MAPK10: variants seen among roughly 807,000 people sequenced by gnomAD.
MAPK10 encodes mitogen-activated protein kinase 10.
Under a neutral mutation model 59.3 loss-of-function variants are expected in MAPK10, and 25 were observed. The observed-to-expected ratio is 0.42, with a 90% confidence interval of 0.31 to 0.59. MAPK10 has a LOEUF of 0.59. Among genes scored for constraint, MAPK10 ranks in the 20% least tolerant of loss-of-function variants. MAPK10 has a pLI of 0.15. For missense variants in MAPK10, 351 were observed against 568.9 expected (o/e 0.62, Z 3.90); for synonymous variants, 190 against 200.5 (o/e 0.95, Z 0.44).
intron 1 of MAPK10, among the ~76,000 whole-genome samples, chr4:86,430,968 T>A (rs956462989): frequency 6.6e-6 from 1 of 151,462 alleles, no homozygotes; most frequent in African/African-American, 2.4e-5. Flanking sequence ...GGGAAAAAAC[T>A]GACAGAAACA....
intron 2 of MAPK10, among the ~76,000 whole-genome samples, chr4:86,226,320 C>T (rs2090605603): frequency 6.6e-6 from 1 of 152,168 alleles, no homozygotes; most frequent in African/African-American, 2.4e-5. Context: ...CCAGACTTTA[C>T]CCGGTTTCAA....
chr4:86,566,869 G>C (rs2149106638), intron 1 of MAPK10, among the ~76,000 whole-genome samples: 1 of 152,136 alleles, frequency 6.6e-6, no homozygotes, highest in Middle Eastern at 3.4e-3. Context: ...CTAAGTTCAA[G>C]ATCGGTCTAG....
chr4:86,582,748 A>G (rs1357144916), intron 1 of MAPK10, among the ~76,000 whole-genome samples: 1 of 152,236 alleles, frequency 6.6e-6, no homozygotes, highest in African/African-American at 2.4e-5. Flanking sequence ...TTGATAGGAC[A>G]CTTTCTATAG....
At chr4:86,289,655 T>C (rs962752447) in intron 2 of MAPK10, among the ~76,000 whole-genome samples, 1 of 150,116 alleles carries the variant, frequency 6.7e-6, no homozygotes, top group Non-Finnish European at 1.5e-5. Context: ...ATATGTATGT[T>C]ATAATGCATT....
chr4:86,428,504 C>G (rs1026676748), intron 1 of MAPK10, among the ~76,000 whole-genome samples: 2 of 151,966 alleles, frequency 1.3e-5, no homozygotes, highest in Admixed American at 1.3e-4. Context: ...AGGGGACTTT[C>G]CTGTTATGCT....
intron 3 of MAPK10, among the ~76,000 whole-genome samples, chr4:86,161,695 CT>C (rs1236625410): frequency 6.6e-6 from 1 of 152,062 alleles, no homozygotes; most frequent in Non-Finnish European, 1.5e-5. Context: ...ACACACTAGC[CT>C]CACCAAACCA....
chr4:86,120,948 C>T (rs73837411), intron 4 of MAPK10, among the ~76,000 whole-genome samples: 2,179 of 152,034 alleles, frequency 0.014, 53 homozygotes, highest in African/African-American at 0.05. Flanking sequence ...AAAACCCTTC[C>T]GACAGAAATA....
chr4:86,271,811 T>A (rs1385208745), intron 2 of MAPK10, among the ~76,000 whole-genome samples: 1 of 152,034 alleles, frequency 6.6e-6, no homozygotes, highest in African/African-American at 2.4e-5. Flanking sequence ...TCACTCACTA[T>A]CATAGGAACA....
At chr4:86,191,113 TTTG>T (rs1321681974) in intron 3 of MAPK10, among the ~76,000 whole-genome samples, 1 of 152,190 alleles carries the variant, frequency 6.6e-6, no homozygotes, top group Non-Finnish European at 1.5e-5. Flanking sequence ...TGAAAGACTG[TTTG>T]TTATGATTTC....
At chr4:86,083,556 A>C (rs1396963688) in intron 9 of MAPK10, among the ~76,000 whole-genome samples, 1 of 152,154 alleles carries the variant, frequency 6.6e-6, no homozygotes. Flanking sequence ...CACAAGCCTT[A>C]CCACTGCAGG....
At chr4:86,121,601 T>A (rs1036335204) in intron 4 of MAPK10, among the ~76,000 whole-genome samples, 1 of 152,166 alleles carries the variant, frequency 6.6e-6, no homozygotes, top group African/African-American at 2.4e-5. Flanking sequence ...ATATTTTTAA[T>A]TGACAAAAAT....
chr4:86,436,324 A>G (rs1748710831), intron 1 of MAPK10, among the ~76,000 whole-genome samples: 1 of 152,198 alleles, frequency 6.6e-6, no homozygotes, highest in African/African-American at 2.4e-5. Flanking sequence ...TTGATTTTCC[A>G]ATCGTAGCAC....
chr4:86,566,428 T>C (rs1354582863), intron 1 of MAPK10, among the ~76,000 whole-genome samples: 3 of 152,106 alleles, frequency 2.0e-5, no homozygotes, highest in Non-Finnish European at 2.9e-5. Context: ...ATAAAAGTAG[T>C]CTAGGCCGGG....
Position 86,519,468 on chromosome 4 carries a change from C to T in MAPK10, c.-263+74442G>A, listed in dbSNP as rs140280364. 2.6e-3 allele frequency among the ~76,000 whole-genome samples: 391 copies of T among 152,166 alleles called. 3 individuals are homozygous for T. Among genetic ancestry groups the T allele is most frequent in the African/African-American group, 8.4e-3 (347 of 41,506 alleles). On this transcript the variant is annotated intron_variant, in intron 1 of 4. Transcript: ENST00000502302. Reference sequence around the variant, plus strand: ...TGATGACTTGTGGTTTCCATTTGCACGGAATATATTTTTCCACCCCTTTAC... The same window carrying T: ...TGATGACTTGTGGTTTCCATTTGCATGGAATATATTTTTCCACCCCTTTAC...
chr4:86,124,362 TA>T (rs1434396189), intron 4 of MAPK10: 10 of 152,040 alleles, frequency 6.6e-5, no homozygotes, highest in African/African-American at 2.4e-4. Flanking sequence ...GATATTGAAT[TA>T]AAAAAATGAA....
At chr4:86,167,626 A>G (rs1236816950) in intron 3 of MAPK10, among the ~76,000 whole-genome samples, 1 of 152,252 alleles carries the variant, frequency 6.6e-6, no homozygotes. Context: ...CCACATGATT[A>G]TCTCAATAGA....
chr4:86,454,215 T>C (rs1751033948), upstream of MAPK10, among the ~76,000 whole-genome samples: 1 of 151,528 alleles, frequency 6.6e-6, no homozygotes, highest in Admixed American at 6.6e-5. Context: ...TTCTTTAACA[T>C]CCCCCCAAAA....
At chr4:86,121,121 C>T (rs186899614) in intron 4 of MAPK10, among the ~76,000 whole-genome samples, 139 of 152,250 alleles carry the variant, frequency 9.1e-4, no homozygotes, top group Admixed American at 1.8e-3. Context: ...TGCCTACATA[C>T]GATGATTTAA....
At chr4:86,390,813 T>C (rs992663121) in intron 1 of MAPK10, among the ~76,000 whole-genome samples, 51 of 152,286 alleles carry the variant, frequency 3.3e-4, no homozygotes, top group Middle Eastern at 6.8e-3. Context: ...TAAGGGCTTG[T>C]GGGAAGGTGC....
Sources: gnomAD v4.1 joint callset for allele counts (sites outside exome capture counted in the v4.1 genomes callset) on GRCh38, gnomAD v4.1.1 for gene constraint, MANE v1.5 for transcripts, NCBI Gene and HGNC (gene_info 2026-07-23, HGNC 2026-07-21) for gene names.